The following COL26A1 variants were observed in gnomAD, a reference collection of about 807,000 sequenced individuals.
COL26A1 encodes the protein collagen alpha-1(XXVI) chain.
A neutral mutation model predicts 59.3 loss-of-function variants in COL26A1; 41 were observed. The observed-to-expected ratio is 0.69, with a 90% CI of 0.54 to 0.90. The LOEUF (loss-of-function observed/expected upper bound fraction) is 0.90. Ranked by LOEUF, COL26A1 falls within the 40% of genes least tolerant of loss-of-function variation. The probability of loss-of-function intolerance (pLI) is 0.00; values close to 1 mark genes in which losing one functional copy is unlikely to be tolerated. For missense variants in COL26A1, 612 were observed against 602.3 expected (o/e 1.02, Z -0.17); for synonymous variants, 266 against 256.0 (o/e 1.04, Z -0.37).
intron 1 of COL26A1, among the ~76,000 whole-genome samples, chr7:101,400,223 C>T (rs1455487738): frequency 6.6e-6 from 1 of 152,108 alleles, no homozygotes; most frequent in Non-Finnish European, 1.5e-5. Context: ...TGGAGAGAGG[C>T]ATGGCTCAGC....
intron 1 of COL26A1, among the ~76,000 whole-genome samples, chr7:101,370,826 C>T: frequency 6.6e-6 from 1 of 152,212 alleles, no homozygotes; most frequent in Admixed American, 6.5e-5. Flanking sequence ...GGTAGAACCA[C>T]AAGCACCCTT....
At chr7:101,463,895 TTC>T (rs1793692567) in intron 3 of COL26A1, among the ~76,000 whole-genome samples, 1 of 130,380 alleles carries the variant, frequency 7.7e-6, no homozygotes, top group Non-Finnish European at 1.5e-5. Flanking sequence ...CTTTCTTTCT[TTC>T]TTTCTTTTTC....
At chr7:101,474,473 A>G (rs1216145182) in intron 3 of COL26A1, among the ~76,000 whole-genome samples, 2 of 151,740 alleles carry the variant, frequency 1.3e-5, no homozygotes, top group East Asian at 3.9e-4. Flanking sequence ...ACACCTGTAG[A>G]CTCAGCTACT....
chr7:101,463,349 T>C (rs1356696232), intron 3 of COL26A1, among the ~76,000 whole-genome samples: 3 of 152,188 alleles, frequency 2.0e-5, no homozygotes, highest in Non-Finnish European at 2.9e-5. Flanking sequence ...AGAATTTCCT[T>C]CCTTTAAAGG....
At chr7:101,555,997 C>A in intron 12 of COL26A1, 126 bp downstream of exon 12, 9 of 744,766 alleles carry the variant, frequency 1.2e-5, no homozygotes, top group Non-Finnish European at 2.0e-5. Context: ...GACCCTCCCC[C>A]TCCCCTGCTC....
intron 1 of COL26A1, among the ~76,000 whole-genome samples, chr7:101,400,579 A>G (rs879495031): frequency 2.0e-5 from 3 of 150,130 alleles, no homozygotes; most frequent in Non-Finnish European, 4.4e-5. Context: ...TTGTTTTGAG[A>G]TGGAGTTTCG....
At chr7:101,375,340 C>A (rs990487339) in intron 1 of COL26A1, among the ~76,000 whole-genome samples, 1 of 137,312 alleles carries the variant, frequency 7.3e-6, no homozygotes, top group African/African-American at 2.6e-5. Context: ...AGGCTTCTCT[C>A]AGATGGTGTA....
In COL26A1 at chr7:101,557,712, C is replaced by T; in HGVS notation, c.*182C>T. The T allele has an allele frequency of 1.7e-6, 1 of 605,042 alleles. No individual in the cohort carries two copies. Among genetic ancestry groups the T allele is most frequent in the East Asian group, 2.9e-5 (1 of 34,894 alleles). The allele number at this position is 605,042 out of a possible 1,614,324, so 37.5% of individuals were successfully genotyped here. On this transcript the variant is annotated 3_prime_UTR_variant, in exon 13 of 13. Transcript: ENST00000313669. The stretch of plus-strand genomic sequence containing the variant: ...GGGCAGGGTCTGGAGGGGCCAACAC[C>T]CTCATCAGAGCCCTCCTCTGGCCTG...
At position 101,362,959 on chromosome 7, in the gene COL26A1, T is replaced by C; in HGVS notation, c.-74T>C. 2 of 1,450,552 alleles carry C rather than the reference T, an allele frequency of 1.4e-6. No homozygotes were observed. Among genetic ancestry groups the C allele is most frequent in the Non-Finnish European group, 1.8e-6 (2 of 1,096,140 alleles). 89.9% of individuals were successfully genotyped at this position (1,450,552 alleles called of 1,614,324 possible). A position where few individuals can be genotyped will look rare whatever the true frequency, so the allele number is the denominator to read the frequency against. On this transcript the variant is annotated 5_prime_UTR_variant, in exon 1 of 13. Transcript: ENST00000313669. ...TGTGCTCCCGGCCGGTGCCGCGGGT[T>C]CGGTCCGGGCGCCGGTGCGCTCCTG...
intron 1 of COL26A1, among the ~76,000 whole-genome samples, chr7:101,397,659 C>T (rs1004421422): frequency 1.8e-4 from 27 of 151,690 alleles, no homozygotes; most frequent in Admixed American, 6.6e-5. Flanking sequence ...GCCTTAGCCT[C>T]CCGAGTAGCT....
intron 1 of COL26A1, among the ~76,000 whole-genome samples, chr7:101,381,281 A>G (rs1791441101): frequency 6.6e-6 from 1 of 152,098 alleles, no homozygotes; most frequent in Admixed American, 6.6e-5. Flanking sequence ...TCCAAAGGGC[A>G]TTACTCCAAC....
intron 3 of COL26A1, among the ~76,000 whole-genome samples, chr7:101,472,761 A>T (rs555403006): frequency 6.6e-6 from 1 of 151,996 alleles, no homozygotes; most frequent in African/African-American, 2.4e-5. Flanking sequence ...AAACACCGCA[A>T]TCTGTGGCTC....
intron 3 of COL26A1, among the ~76,000 whole-genome samples, chr7:101,476,001 A>G (rs553284860): frequency 7.2e-6 from 1 of 139,382 alleles, no homozygotes; most frequent in Non-Finnish European, 1.5e-5. Context: ...TCTTTTCAGT[A>G]TCTCATGTTG....
intron 3 of COL26A1, among the ~76,000 whole-genome samples, chr7:101,461,812 A>G (rs1793619590): frequency 6.6e-6 from 1 of 152,068 alleles, no homozygotes; most frequent in Non-Finnish European, 1.5e-5. Flanking sequence ...TGAGGCATAT[A>G]AGTTCAAGGT....
rs978705589 is a variant in COL26A1 at position 101,405,908 on chromosome 7, G to C, written c.159-14069G>C. On this transcript the variant is annotated intron_variant, in intron 1 of 12. Coordinates refer to ENST00000313669, the MANE Select transcript of COL26A1 (RefSeq NM_001278563.3). ...CTGCCTGTGGGGCTGGCTCTCAGGT[G>C]GGGTGGGCCCCAAAATTCCCCACCG... is the stretch of plus-strand genomic sequence containing the variant. Among the ~76,000 whole-genome samples the C allele has an allele frequency of 3.3e-5, 5 of 152,306 alleles. No homozygotes were observed. The East Asian group carries it at 9.7e-4, about 29-fold the overall frequency.
At chr7:101,387,778 A>ATATATTTTTTTTTTTTTTT (rs773025730) in intron 1 of COL26A1, among the ~76,000 whole-genome samples, 1 of 84,836 alleles carries the variant, frequency 1.2e-5, no homozygotes, top group African/African-American at 5.0e-5. Context: ...ATATATATAT[A>ATATATTTTTTTTTTTTTTT]TTTTTTTTTA....
chr7:101,425,746 A>G (rs996470159), intron 2 of COL26A1, among the ~76,000 whole-genome samples: 1 of 151,402 alleles, frequency 6.6e-6, no homozygotes, highest in African/African-American at 2.4e-5. Flanking sequence ...ACCTCAAATG[A>G]TCGGCCTCCC....
At chr7:101,485,301 T>C (rs1543883) in intron 3 of COL26A1, among the ~76,000 whole-genome samples, 95,537 of 152,108 alleles carry the variant, frequency 0.63, 32,455 homozygotes, top group African/African-American at 0.9. Flanking sequence ...CTGGGAGCAG[T>C]CAGGTTCCAG....
At chr7:101,390,148 GTTTTTTTTTTT>G (rs60091954) in intron 1 of COL26A1, among the ~76,000 whole-genome samples, 1,501 of 72,384 alleles carry the variant, frequency 0.021, 33 homozygotes, top group African/African-American at 0.07. Context: ...CATGTTAAGG[GTTTTTTTTTTT>G]TTTTTTTTTT....
Sources: allele counts gnomAD v4.1 joint callset (sites outside exome capture counted in the v4.1 genomes callset), GRCh38; gene constraint gnomAD v4.1.1; transcripts MANE v1.5; gene names NCBI Gene and HGNC (gene_info 2026-07-23, HGNC 2026-07-21).